The following COG1 variants were observed in gnomAD, a reference collection of about 807,000 sequenced individuals.
COG1 encodes component of oligomeric golgi complex 1.
COG1 carries 61 observed loss-of-function variants against 102.2 expected under a neutral mutation model. The observed-to-expected ratio is 0.60, with a 90% CI of 0.49 to 0.74. The LOEUF is 0.74. COG1 is among the 30% of genes least tolerant of loss of function. The pLI is 0.00. For synonymous variants in COG1, 454 were observed against 493.6 expected (o/e 0.92, Z 1.06); for missense variants, 1,164 against 1,232.1 (o/e 0.94, Z 0.83).
chr17:73,194,655 G>A (rs1201294489), intron 1 of COG1, among the ~76,000 whole-genome samples: 2 of 151,792 alleles, frequency 1.3e-5, no homozygotes, highest in Non-Finnish European at 2.9e-5. Flanking sequence ...GTAGAGACGG[G>A]GTTTCACCAT....
chr17:73,206,876 C>T (rs770512972), intron 12 of COG1, 59 bp downstream of exon 12: 8 of 1,193,776 alleles, frequency 6.7e-6, no homozygotes, highest in Middle Eastern at 1.9e-4. Context: ...GGACGGATCA[C>T]GTCAGGAGAT....
chr17:73,207,037 G>A (rs1036009059), intron 12 of COG1, 144 bp from the exon 13 acceptor site: 3 of 754,826 alleles, frequency 4.0e-6, no homozygotes, highest in African/African-American at 3.7e-5. Context: ...AGCTTGCAGT[G>A]AGCCGAGATT....
At position 73,196,525 on chromosome 17, in the gene COG1, G is replaced by C. The variant is rs2061325635; in HGVS notation, c.334G>C (p.Glu112Gln). Residue 112 changes from glutamate (E) to glutamine (Q), a missense_variant, in exon 2 of 14, where the codon GAG (glutamate) becomes CAG (glutamine). Glu to Gln is a conservative substitution (Grantham distance 29). Transcript: ENST00000299886. ...CCTGCAGCCACAGCAGCCATCCCAG[G>C]AGAAGTTCTACAGCATGGCTGCCCA... ...RAQQPQQPSQ[E>Q]KFYSMAAQIK... The C allele has an allele frequency of 1.2e-6, 2 of 1,614,120 alleles. No homozygotes were observed. The highest frequency in any genetic ancestry group is 1.7e-4 in the Middle Eastern group (1 of 6,060).
At position 73,201,545 on chromosome 17, in the gene COG1, A is replaced by G. The variant is rs766953526; in HGVS notation, c.1718A>G (p.Gln573Arg). Reference protein sequence around the residue: ...AGTVQEMLRTQSVACIKHIVD... With the variant: ...AGTVQEMLRTRSVACIKHIVD... ...ACCGTGCAGGAGATGCTGCGGACTCAGTCCGTGGCATGCATCAAGCACATC... is the reference window on the plus strand; with the variant it reads ...ACCGTGCAGGAGATGCTGCGGACTCGGTCCGTGGCATGCATCAAGCACATC... Residue 573 changes from glutamine (Q) to arginine (R), a missense_variant, in exon 7 of 14, where the codon CAG becomes CGG. Physicochemically the swap from Gln to Arg is conservative, Grantham distance 43. Coordinates refer to ENST00000299886, the MANE Select transcript of COG1 (RefSeq NM_018714.3). The G allele has an allele frequency of 2.4e-5, 38 of 1,614,250 alleles. No individual in the cohort carries two copies. Among genetic ancestry groups the G allele is most frequent in the Non-Finnish European group, 3.1e-5 (36 of 1,180,040 alleles).
intron 11 of COG1, among the ~76,000 whole-genome samples, 197 bp downstream of exon 11, chr17:73,206,459 C>CTTAAG (rs1301020670): frequency 6.6e-6 from 1 of 152,068 alleles, no homozygotes. Flanking sequence ...GATTTGGCCC[C>CTTAAG]TTAAGTTGTA....
Position 73,193,503 on chromosome 17 carries a change from C to G in COG1, c.315+119C>G, listed in dbSNP as rs950396526. Reference sequence around the variant, plus strand: ...CCCCGCGAGTCCTCACCTTCCTTAGCCAGGAGCCTATCCGCCCCTCACCCT... The same window carrying G: ...CCCCGCGAGTCCTCACCTTCCTTAGGCAGGAGCCTATCCGCCCCTCACCCT... On this transcript the variant is annotated intron_variant, in intron 1 of 13. Transcript: ENST00000299886. The G allele has an allele frequency of 1.8e-5, 18 of 1,019,030 alleles. No individual in the cohort carries two copies. The African/African-American group carries it at 3.1e-4, about 17-fold the overall frequency. 63.1% of individuals were successfully genotyped at this position (1,019,030 alleles called of 1,614,324 possible). A position where few individuals can be genotyped will look rare whatever the true frequency, so the allele number is the denominator to read the frequency against.
Position 73,201,393 on chromosome 17 carries a change from T to A in COG1, c.1566T>A (p.Asp522Glu). The A allele has an allele frequency of 6.2e-7, 1 of 1,614,254 alleles. No individual in the cohort carries two copies. ...TACAGAACTTCTGTTCTGCCCTGGA[T>A]TCTAAGCTGAAGGTTAAACTAGATG... ...PCVQNFCSALDSKLKVKLDDL... is the reference protein window; with the variant it reads ...PCVQNFCSALESKLKVKLDDL... The change falls in exon 7 of 14, where the codon GAT (aspartate) becomes GAA (glutamate). Residue 522 changes from aspartate (D) to glutamate (E), a missense_variant. Transcript: ENST00000299886.
chr17:73,205,171 C>G (rs1051124097), intron 9 of COG1: 3 of 279,792 alleles, frequency 1.1e-5, no homozygotes, highest in African/African-American at 2.7e-5. Context: ...TCAAAACAAA[C>G]AAACAAACAA....
chr17:73,198,146 G>A (rs1404792889), intron 4 of COG1, among the ~76,000 whole-genome samples: 1 of 151,800 alleles, frequency 6.6e-6, no homozygotes, highest in Non-Finnish European at 1.5e-5. Context: ...GTCAGCCGCT[G>A]GGAGCTTGGG....
intron 1 of COG1, among the ~76,000 whole-genome samples, chr17:73,194,424 A>G (rs544896086): frequency 2.6e-5 from 3 of 115,320 alleles, no homozygotes; most frequent in Non-Finnish European, 5.4e-5. Flanking sequence ...CCTGGGCCAC[A>G]GAGCGAGACT....
chr17:73,206,021 A>G (rs2061369916), intron 10 of COG1, 133 bp from the exon 11 acceptor site: 1 of 778,528 alleles, frequency 1.3e-6, no homozygotes, highest in Admixed American at 2.0e-5. Flanking sequence ...CACTATCATC[A>G]GTGACAAACG....
In COG1 at chr17:73,206,818, GTAAAGGC is replaced by G. The variant is rs771485996; in HGVS notation, c.2729+3_2729+9del. The G allele has an allele frequency of 1.6e-4, 261 of 1,611,366 alleles. No individual in the cohort carries two copies. The highest frequency in any genetic ancestry group is 2.1e-4 in the Non-Finnish European group (249 of 1,177,842). On this transcript the variant is annotated splice_donor_variant and splice_donor_5th_base_variant and intron_variant, in intron 12 of 13. Coordinates refer to ENST00000299886, the MANE Select transcript of COG1 (RefSeq NM_018714.3). LOFTEE classifies it high-confidence loss of function. Reference sequence around the variant, plus strand: ...TGCCACTGGCATCCAGTCAGATCAGGTAAAGGCTGCCAAGAGGCTTCTGCGGGGCACT... The same window carrying G: ...TGCCACTGGCATCCAGTCAGATCAGGTGCCAAGAGGCTTCTGCGGGGCACT...
rs752839013 is a variant in COG1, at chr17:73,197,142, C to T, written c.742+61C>T. On this transcript the variant is annotated intron_variant, in intron 3 of 13. Coordinates refer to ENST00000299886, the MANE Select transcript of COG1 (RefSeq NM_018714.3). ...ATATGGGATGGAGAAGGGTGAGCTGCGGGAGACTGAAGCCTCCAGAGCGTC... is the reference window on the plus strand; with the variant it reads ...ATATGGGATGGAGAAGGGTGAGCTGTGGGAGACTGAAGCCTCCAGAGCGTC... 755 of 1,611,800 alleles carry T rather than the reference C, an allele frequency of 4.7e-4. 3 individuals are homozygous for T. The highest frequency in any genetic ancestry group is 2.4e-3 in the South Asian group (216 of 90,992).
Position 73,201,438 on chromosome 17 carries a change from C to T in COG1, c.1611C>T (p.Pro537=). Residue 537 remains proline, a synonymous_variant, in exon 7 of 14, where the codon CCC becomes CCT. Transcript: ENST00000299886. The part of the protein sequence containing the change: ...VKLDDLLAYL[P]SDDSSLPKDV... Reference sequence around the variant, plus strand: ...TAGATGACCTCCTGGCTTACCTCCCCTCTGATGACTCATCACTGCCCAAGG... The same window carrying T: ...TAGATGACCTCCTGGCTTACCTCCCTTCTGATGACTCATCACTGCCCAAGG... The T allele has an allele frequency of 1.2e-6, 2 of 1,614,264 alleles. No homozygotes were observed. The highest frequency in any genetic ancestry group is 1.7e-6 in the Non-Finnish European group (2 of 1,180,048).
At chr17:73,193,995 C>A (rs936489895) in intron 1 of COG1, among the ~76,000 whole-genome samples, 1 of 151,770 alleles carries the variant, frequency 6.6e-6, no homozygotes, top group Non-Finnish European at 1.5e-5. Flanking sequence ...CTTTTAATAG[C>A]TGAACATTTT....
At position 73,201,824 on chromosome 17, in the gene COG1, A is replaced by G; in HGVS notation, c.1997A>G (p.Lys666Arg). 1 of 1,614,200 alleles carries G rather than the reference A, an allele frequency of 6.2e-7. No individual in the cohort carries two copies. Among genetic ancestry groups the G allele is most frequent in the Non-Finnish European group, 8.5e-7 (1 of 1,180,038 alleles). The change falls in exon 7 of 14, where the codon AAG becomes AGG. Residue 666 changes from lysine (K) to arginine (R), a missense_variant. By Grantham distance (26) the Lys-to-Arg change is conservative. Transcript: ENST00000299886. Reference sequence around the variant, plus strand: ...CAGGAAATCATTCCTACACAGGCCAAGTGGCAAGAGGTTAAAGAAGTACTC... The same window carrying G: ...CAGGAAATCATTCCTACACAGGCCAGGTGGCAAGAGGTTAAAGAAGTACTC... ...KTQEIIPTQA[K>R]WQEVKEVLLQ...
In COG1 at chr17:73,201,572, T is replaced by C. The variant is rs2061347252; in HGVS notation, c.1745T>C (p.Val582Ala). ...TCCGTGGCATGCATCAAGCACATCG[T>C]GGACTGCATCCGGGCAGAGCTACAG... ...TQSVACIKHI[V>A]DCIRAELQSI... Residue 582 changes from valine (V) to alanine (A), a missense_variant, in exon 7 of 14, where the codon GTG becomes GCG. By Grantham distance (64) the Val-to-Ala change is moderately conservative (BLOSUM62 0). Transcript: ENST00000299886. 1 of 1,614,114 alleles carries C rather than the reference T, an allele frequency of 6.2e-7. No homozygotes were observed. The highest frequency in any genetic ancestry group is 1.3e-5 in the African/African-American group (1 of 74,940).
At position 73,208,444 on chromosome 17, in the gene COG1, C is replaced by G; in HGVS notation, c.2936C>G (p.Thr979Ser). 1 of 1,614,122 alleles carries G rather than the reference C, an allele frequency of 6.2e-7. No individual in the cohort carries two copies. Among genetic ancestry groups the G allele is most frequent in the Non-Finnish European group, 8.5e-7 (1 of 1,179,996 alleles). ...LFKLGWLSSMTK is the reference protein window; with the variant it reads ...LFKLGWLSSMSK The stretch of plus-strand genomic sequence containing the variant: ...AAACTTGGCTGGCTCTCTAGTATGA[C>G]TAAGTAACATGGCAACACATCTGTC... Residue 979 changes from threonine to serine, a missense_variant, in exon 14 of 14, where the codon ACT becomes AGT. Thr to Ser is a moderately conservative substitution (Grantham distance 58). Coordinates refer to ENST00000299886, the MANE Select transcript of COG1 (RefSeq NM_018714.3).
chr17:73,203,738 G>C lies in COG1; in HGVS notation c.2327G>C (p.Cys776Ser), dbSNP rs900932208. Residue 776 changes from cysteine (C) to serine (S), a missense_variant, in exon 9 of 14, where the codon TGT becomes TCT. Physicochemically the swap from Cys to Ser is moderately radical, Grantham distance 112. Transcript: ENST00000299886. The stretch of plus-strand genomic sequence containing the variant: ...ACATTACAGGAGATGCTGAAAAGCT[G>C]TATGGTTCAAGTAGTAGCTGCCTAT... ...KVTLQEMLKS[C>S]MVQVVAAYEK... The C allele has an allele frequency of 6.2e-7, 1 of 1,614,114 alleles. No individual in the cohort carries two copies. The highest frequency in any genetic ancestry group is 8.5e-7 in the Non-Finnish European group (1 of 1,180,046).
Sources: gnomAD v4.1 joint callset for allele counts (sites outside exome capture counted in the v4.1 genomes callset) on GRCh38, gnomAD v4.1.1 for gene constraint, MANE v1.5 for transcripts, NCBI Gene and HGNC (gene_info 2026-07-23, HGNC 2026-07-21) for gene names.